Variants in TMX3 observed in about 807,000 individuals in gnomAD.
TMX3 encodes protein disulfide-isomerase TMX3.
In TMX3, 40 loss-of-function variants were observed where a neutral mutation model predicts 64.4. The ratio of observed to expected loss-of-function variants is 0.62; its 90% CI spans 0.48 to 0.81. The LOEUF is 0.81. TMX3 is among the 30% of genes least tolerant of loss of function. TMX3 has a pLI of 0.00. For synonymous variants in TMX3, 189 were observed against 175.7 expected (o/e 1.08, Z -0.60); for missense variants, 497 against 534.5 (o/e 0.93, Z 0.69).
intron 8 of TMX3, chr18:68,696,855 A>AC (rs1915128153): frequency 6.0e-6 from 1 of 168,066 alleles, no homozygotes. Context: ...CAGTTTGAGG[A>AC]CCCAAAAAAG....
intron 12 of TMX3, among the ~76,000 whole-genome samples, chr18:68,683,506 G>A (rs1172827447): frequency 6.6e-6 from 1 of 151,930 alleles, no homozygotes; most frequent in Non-Finnish European, 1.5e-5. Flanking sequence ...TTTTTATTCA[G>A]TTATTCTTTT....
At chr18:68,701,695 T>C (rs955885420) in intron 5 of TMX3, 50 bp downstream of exon 5, 6 of 1,608,808 alleles carry the variant, frequency 3.7e-6, no homozygotes, top group Non-Finnish European at 5.1e-6. Flanking sequence ...AAAATGTAAG[T>C]AGAGTGAACT....
At chr18:68,700,310 G>A (rs1430779013) in intron 6 of TMX3, 95 bp downstream of exon 6, 12 of 812,944 alleles carry the variant, frequency 1.5e-5, no homozygotes, top group South Asian at 1.4e-4. Context: ...ACCTAGGTAT[G>A]TCCTTAAAAT....
At chr18:68,701,707 A>C in intron 5 of TMX3, 38 bp downstream of exon 5, 2 of 1,610,366 alleles carry the variant, frequency 1.2e-6, no homozygotes, top group Non-Finnish European at 1.7e-6. Flanking sequence ...GAGTGAACTA[A>C]TAAAAATACA....
chr18:68,699,539 A>T (rs1307687638), intron 6 of TMX3, among the ~76,000 whole-genome samples: 1 of 152,178 alleles, frequency 6.6e-6, no homozygotes, highest in Non-Finnish European at 1.5e-5. Flanking sequence ...TGTCTCAAAT[A>T]ATTTGAGACA....
chr18:68,713,989 C>T (rs770647399), intron 1 of TMX3, 89 bp from the exon 2 acceptor site: 22 of 806,730 alleles, frequency 2.7e-5, no homozygotes, highest in African/African-American at 2.3e-4. Context: ...TGTTTTTGAC[C>T]TTTCACAACC....
At chr18:68,682,431 A>G (rs1208159164) in intron 13 of TMX3, among the ~76,000 whole-genome samples, 1 of 152,224 alleles carries the variant, frequency 6.6e-6, no homozygotes, top group Non-Finnish European at 1.5e-5. Context: ...AATAAATTCT[A>G]GAACAATTCG....
At chr18:68,684,731 A>C (rs953467736) in intron 10 of TMX3, among the ~76,000 whole-genome samples, 4 of 152,194 alleles carry the variant, frequency 2.6e-5, no homozygotes, top group African/African-American at 9.7e-5. Flanking sequence ...AAGAGTAAAT[A>C]TGTAATAATT....
intron 10 of TMX3, among the ~76,000 whole-genome samples, chr18:68,685,736 T>G (rs1913887141): frequency 6.6e-6 from 1 of 152,150 alleles, no homozygotes; most frequent in Non-Finnish European, 1.5e-5. Context: ...CTGGTAGACA[T>G]TTTCATCAAA....
intron 9 of TMX3, chr18:68,691,022 G>T: frequency 2.9e-6 from 1 of 340,142 alleles, no homozygotes; most frequent in Non-Finnish European, 5.3e-6. Context: ...TTAAAGTAAT[G>T]TATAAAAATC....
intron 10 of TMX3, 140 bp downstream of exon 10, chr18:68,687,527 G>A (rs1914082569): frequency 1.4e-5 from 20 of 1,420,836 alleles, no homozygotes; most frequent in Admixed American, 6.3e-5. Flanking sequence ...TTACATTCTC[G>A]TAAAGAACTG....
intron 1 of TMX3, chr18:68,714,563 G>A (rs975652918): frequency 2.5e-5 from 8 of 315,046 alleles, no homozygotes; most frequent in Admixed American, 5.2e-5. Context: ...ATCCTTAAAC[G>A]TGACAAGACT....
chr18:68,676,201 A>G lies in TMX3; in HGVS notation c.*732T>C, dbSNP rs1291502780. On this transcript the variant is annotated 3_prime_UTR_variant, in exon 16 of 16. Coordinates refer to ENST00000299608, the MANE Select transcript of TMX3 (RefSeq NM_019022.5). Reference sequence around the variant, plus strand: ...TAACAGAGACCCTTCCCAACCTACAATGACTGATGAAATACCTGTTAGTAT... The same window carrying G: ...TAACAGAGACCCTTCCCAACCTACAGTGACTGATGAAATACCTGTTAGTAT... 2 of 152,156 alleles carry G rather than the reference A, an allele frequency of 1.3e-5. No homozygotes were observed. Among genetic ancestry groups the G allele is most frequent in the Non-Finnish European group, 2.9e-5 (2 of 68,030 alleles). The allele number at this position is 152,156 out of a possible 1,614,324, so 9.4% of individuals were successfully genotyped here. A position where few individuals can be genotyped will look rare whatever the true frequency, so the allele number is the denominator to read the frequency against.
At chr18:68,713,327 T>G (rs923033427) in intron 2 of TMX3, among the ~76,000 whole-genome samples, 1 of 152,152 alleles carries the variant, frequency 6.6e-6, no homozygotes, top group African/African-American at 2.4e-5. Context: ...GTGGCTGGCC[T>G]GGGAGGCCGA....
At chr18:68,692,346 T>C (rs1914605796) in intron 8 of TMX3, among the ~76,000 whole-genome samples, 1 of 152,182 alleles carries the variant, frequency 6.6e-6, no homozygotes, top group African/African-American at 2.4e-5. Context: ...CTTGCAGCCA[T>C]CTAGTCTCAC....
chr18:68,708,394 A>G (rs1293983649), intron 4 of TMX3, among the ~76,000 whole-genome samples: 3 of 152,164 alleles, frequency 2.0e-5, no homozygotes, highest in Non-Finnish European at 2.9e-5. Context: ...ATTAAAACTG[A>G]TATTTTGTAT....
rs764639499 is a variant in TMX3, at chr18:68,715,069, C to G, written c.-88G>C. ...CCGCCTGCCCGCCCGGAAAGGGAAA[C>G]GGAGCCGACCCGGAGCGGAAGAGAA... On this transcript the variant is annotated 5_prime_UTR_variant, in exon 1 of 16. Transcript: ENST00000299608. 6.5e-7 allele frequency: 1 copy of G among 1,543,430 alleles called. No individual in the cohort carries two copies. The highest frequency in any genetic ancestry group is 8.7e-7 in the Non-Finnish European group (1 of 1,143,158).
chr18:68,713,316 C>T (rs1030284144), intron 2 of TMX3, among the ~76,000 whole-genome samples: 1 of 152,166 alleles, frequency 6.6e-6, no homozygotes, highest in South Asian at 2.1e-4. Context: ...TGCAAATGAG[C>T]GTGGCTGGCC....
chr18:68,713,926 C>G (rs1450928014), intron 1 of TMX3, 26 bp from the exon 2 acceptor site: 3 of 1,503,260 alleles, frequency 2.0e-6, no homozygotes, highest in Non-Finnish European at 2.7e-6. Flanking sequence ...AAAATGTACA[C>G]AATAAATGCT....
Sources: gnomAD v4.1 joint callset for allele counts (sites outside exome capture counted in the v4.1 genomes callset) on GRCh38, gnomAD v4.1.1 for gene constraint, MANE v1.5 for transcripts, NCBI Gene and HGNC (gene_info 2026-07-23, HGNC 2026-07-21) for gene names.